Variants in CHD6 observed in about 807,000 individuals in gnomAD.
CHD6 encodes ATP-dependent chromatin remodeler CHD6.
CHD6 carries 50 observed loss-of-function variants against 276.9 expected under a neutral mutation model. That is an observed-to-expected ratio of 0.18 (90% confidence interval 0.14 to 0.23). The LOEUF is 0.23. CHD6 is among the 10% of genes least tolerant of loss of function. The pLI is 1.00. For synonymous variants in CHD6, 1,173 were observed against 1,229.3 expected (o/e 0.95, Z 0.96); for missense variants, 2,564 against 3,365.8 (o/e 0.76, Z 5.89).
chr20:41,496,403 C>G (rs960870703), intron 8 of CHD6, among the ~76,000 whole-genome samples: 1 of 152,120 alleles, frequency 6.6e-6, no homozygotes, highest in African/African-American at 2.4e-5. Context: ...CCTGGGTGTT[C>G]AGGAGTTAGG....
At chr20:41,438,181 G>A (rs1600856862) in intron 26 of CHD6, among the ~76,000 whole-genome samples, 1 of 152,168 alleles carries the variant, frequency 6.6e-6, no homozygotes, top group African/African-American at 2.4e-5. Context: ...GGTTAACAAG[G>A]ACATTTTCCC....
Position 41,455,938 on chromosome 20 carries a change from C to G in CHD6, c.2871G>C (p.Arg957=). ...LSKMEVEDLL[R]KGAYGALMDE... ...CCATTAAGGCTCCATAAGCACCTTTCCGGAGTAGGTCCTCCACCTCCATTT... is the reference window on the plus strand; with the variant it reads ...CCATTAAGGCTCCATAAGCACCTTTGCGGAGTAGGTCCTCCACCTCCATTT... Residue 957 remains arginine, a synonymous_variant, in exon 19 of 37, where the codon CGG becomes CGC. Transcript: ENST00000373233. 6.2e-7 allele frequency: 1 copy of G among 1,600,906 alleles called. No homozygotes were observed. The highest frequency in any genetic ancestry group is 8.5e-7 in the Non-Finnish European group (1 of 1,174,518).
rs770932287 is a variant in CHD6, at chr20:41,439,961, T to C, written c.4007+39A>G. 3.7e-6 allele frequency: 6 copies of C among 1,608,828 alleles called. No individual in the cohort carries two copies. In the African/African-American group the frequency reaches 4.0e-5, roughly 11 times the overall value. On this transcript the variant is annotated intron_variant, in intron 26 of 36. Transcript: ENST00000373233. ...AGGAAGGGGTCACAGATCAGTGGCA[T>C]GGCATGTCACATGAGGGCTGGCCTA... is the stretch of plus-strand genomic sequence containing the variant.
chr20:41,453,058 A>T, intron 20 of CHD6, 116 bp from the exon 21 acceptor site: 1 of 763,706 alleles, frequency 1.3e-6, no homozygotes, highest in Non-Finnish European at 2.2e-6. Context: ...CTCATCCTCC[A>T]GCACGAAGGG....
At chr20:41,507,130 C>G (rs1345078604) in intron 5 of CHD6, among the ~76,000 whole-genome samples, 1 of 152,204 alleles carries the variant, frequency 6.6e-6, no homozygotes, top group Non-Finnish European at 1.5e-5. Context: ...CTCAAAGGAA[C>G]AAAGTTCTCT....
At chr20:41,601,268 C>T (rs933266445) in intron 1 of CHD6, among the ~76,000 whole-genome samples, 40 of 152,226 alleles carry the variant, frequency 2.6e-4, no homozygotes, top group Non-Finnish European at 2.9e-4. Context: ...CATTCTAGCA[C>T]GAAGTACATG....
intron 1 of CHD6, among the ~76,000 whole-genome samples, chr20:41,576,253 A>C (rs1465527978): frequency 6.6e-6 from 1 of 152,230 alleles, no homozygotes; most frequent in Non-Finnish European, 1.5e-5. Flanking sequence ...AATATACAGC[A>C]TCAATATTTG....
intron 1 of CHD6, among the ~76,000 whole-genome samples, chr20:41,554,128 G>C (rs750600278): frequency 5.4e-4 from 83 of 152,328 alleles, no homozygotes; most frequent in Middle Eastern, 3.4e-3. Context: ...CTAGGTGACA[G>C]AGTGAGGCCC....
At chr20:41,600,683 G>A (rs1447220674) in intron 1 of CHD6, among the ~76,000 whole-genome samples, 2 of 152,198 alleles carry the variant, frequency 1.3e-5, no homozygotes, top group African/African-American at 2.4e-5. Flanking sequence ...GTGACTGAAC[G>A]CCTAAATACT....
intron 19 of CHD6, 143 bp from the exon 20 acceptor site, chr20:41,454,879 G>A: frequency 2.0e-6 from 1 of 489,060 alleles, no homozygotes; most frequent in South Asian, 4.9e-5. Context: ...AAAATGAATT[G>A]AAAATCTCAA....
chr20:41,574,363 A>T (rs1238582352), intron 1 of CHD6, among the ~76,000 whole-genome samples: 1 of 152,140 alleles, frequency 6.6e-6, no homozygotes, highest in African/African-American at 2.4e-5. Flanking sequence ...ATCATCCCCT[A>T]GTTTTTTCTT....
At chr20:41,570,676 AT>A (rs1338591428) in intron 1 of CHD6, among the ~76,000 whole-genome samples, 20 of 152,236 alleles carry the variant, frequency 1.3e-4, no homozygotes, top group African/African-American at 4.8e-4. Flanking sequence ...ACCACCAGCT[AT>A]TGAAAGCACA....
intron 1 of CHD6, among the ~76,000 whole-genome samples, chr20:41,556,192 G>C (rs1412685847): frequency 6.6e-6 from 1 of 152,172 alleles, no homozygotes; most frequent in Middle Eastern, 3.2e-3. Flanking sequence ...AGTGAGCCGA[G>C]ATGGCAGCAG....
intron 2 of CHD6, among the ~76,000 whole-genome samples, chr20:41,539,801 T>C (rs2044906089): frequency 1.3e-5 from 2 of 152,160 alleles, no homozygotes; most frequent in Admixed American, 6.5e-5. Context: ...TAATAACCTG[T>C]TTGCCAATCT....
chr20:41,598,016 T>A (rs897752607), intron 1 of CHD6, among the ~76,000 whole-genome samples: 6 of 152,178 alleles, frequency 3.9e-5, no homozygotes, highest in African/African-American at 1.4e-4. Flanking sequence ...TCCAATGTTC[T>A]ATGGACTACG....
chr20:41,456,087 GT>G (rs1414696781), intron 18 of CHD6, 108 bp from the exon 19 acceptor site: 1 of 1,078,892 alleles, frequency 9.3e-7, no homozygotes, highest in Non-Finnish European at 1.3e-6. Flanking sequence ...TGAACTACAT[GT>G]TAGAACAAAG....
intron 24 of CHD6, 143 bp from the exon 25 acceptor site, chr20:41,445,911 C>T (rs1220844133): frequency 3.4e-6 from 2 of 587,418 alleles, no homozygotes; most frequent in African/African-American, 3.7e-5. Flanking sequence ...CATTGTTTCT[C>T]AACCAGGGCT....
intron 1 of CHD6, among the ~76,000 whole-genome samples, chr20:41,607,300 T>C (rs1185718133): frequency 4.6e-5 from 7 of 152,342 alleles, no homozygotes; most frequent in Non-Finnish European, 8.8e-5. Context: ...TAACGGTTGA[T>C]CCTTCTTCTT....
chr20:41,586,267 CA>C (rs2045593521), intron 1 of CHD6, among the ~76,000 whole-genome samples: 1 of 152,238 alleles, frequency 6.6e-6, no homozygotes, highest in Non-Finnish European at 1.5e-5. Flanking sequence ...AACGCCGTCA[CA>C]AGACCCGCCG....
Sources: allele counts gnomAD v4.1 joint callset (sites outside exome capture counted in the v4.1 genomes callset), GRCh38; gene constraint gnomAD v4.1.1; transcripts MANE v1.5; gene names NCBI Gene and HGNC (gene_info 2026-07-23, HGNC 2026-07-21).